The following MPP2 variants were observed in gnomAD, a reference collection of about 807,000 sequenced individuals.
MPP2 encodes MAGUK p55 subfamily member 2.
MPP2 carries 42 observed loss-of-function variants against 58.5 expected under a neutral mutation model. The ratio of observed to expected loss-of-function variants is 0.72; its 90% CI spans 0.56 to 0.93. MPP2 has a LOEUF of 0.93. Ranked by LOEUF, MPP2 falls within the 40% of genes least tolerant of loss-of-function variation. The pLI is 0.00. For synonymous variants in MPP2, 300 were observed against 307.8 expected, an observed-to-expected ratio of 0.97 and a Z score of 0.26; for missense variants, 632 against 760.4, an observed-to-expected ratio of 0.83 and a Z score of 1.99.
At chr17:43,907,318 A>AGGGGCG (rs1289725108) in intron 1 of MPP2, 156 bp downstream of exon 1, 3 of 501,922 alleles carry the variant, frequency 6.0e-6, no homozygotes, top group Non-Finnish European at 7.7e-6. Flanking sequence ...AAGAGGGCCC[A>AGGGGCG]GGGGCGGGGG....
At chr17:43,909,422 C>T (rs2048383356), upstream of MPP2, 2 of 531,776 alleles carry the variant, frequency 3.8e-6, no homozygotes, top group Non-Finnish European at 5.9e-6. Flanking sequence ...ATAAAGGCTA[C>T]CCTCCACTGT....
intron 9 of MPP2, 60 bp downstream of exon 9, chr17:43,881,030 G>C: frequency 1.3e-6 from 2 of 1,587,648 alleles, no homozygotes. Flanking sequence ...TGATGGGTGG[G>C]GACAGGGAAA....
chr17:43,899,528 G>T (rs2047998282), intron 2 of MPP2, among the ~76,000 whole-genome samples: 1 of 152,140 alleles, frequency 6.6e-6, no homozygotes, highest in Non-Finnish European at 1.5e-5. Flanking sequence ...TGGATGGATT[G>T]GGCTAGATGA....
chr17:43,893,655 C>T (rs1317688593), intron 3 of MPP2, among the ~76,000 whole-genome samples: 2 of 152,206 alleles, frequency 1.3e-5, no homozygotes, highest in Admixed American at 6.5e-5. Flanking sequence ...GGCACCAACC[C>T]TACCGTGAAC....
Position 43,888,383 on chromosome 17 carries a change from C to T in MPP2, c.151-5028G>A, listed in dbSNP as rs181645476. 2.9e-3 allele frequency among the ~76,000 whole-genome samples: 436 copies of T among 152,352 alleles called. 6 individuals carry two copies. Among genetic ancestry groups the T allele is most frequent in the African/African-American group, 9.7e-3 (404 of 41,576 alleles). ...CCCCAGAGGGCTGGTCTTCCACAGA[C>T]CCCTATGTGACTTTCAGTCATTTAG... On this transcript the variant is annotated intron_variant, in intron 3 of 12. Transcript: ENST00000269095.
At chr17:43,898,094 C>T (rs1488573026) in intron 3 of MPP2, 168 bp downstream of exon 3, 3 of 623,776 alleles carry the variant, frequency 4.8e-6, no homozygotes, top group Non-Finnish European at 8.6e-6. Context: ...CCTCTACCTG[C>T]AGCCACTCAG....
chr17:43,882,022 A>G (rs568562102), intron 6 of MPP2, among the ~76,000 whole-genome samples: 1 of 152,342 alleles, frequency 6.6e-6, no homozygotes, highest in Admixed American at 6.5e-5. Flanking sequence ...AAGAACGCTG[A>G]CCATAATGCA....
chr17:43,900,437 C>A, intron 2 of MPP2: 1 of 1,544,868 alleles, frequency 6.5e-7, no homozygotes, highest in South Asian at 1.2e-5. Context: ...AAGGGGCCAG[C>A]TGCCCCGCCC....
intron 1 of MPP2, chr17:43,906,230 T>G (rs2048282103): frequency 1.3e-6 from 1 of 787,360 alleles, no homozygotes; most frequent in Admixed American, 6.3e-5. Context: ...CCAGCCTGCC[T>G]GGGTTTTCTC....
chr17:43,893,761 C>G (rs1336666464), intron 3 of MPP2, among the ~76,000 whole-genome samples: 2 of 152,194 alleles, frequency 1.3e-5, no homozygotes, highest in East Asian at 3.8e-4. Flanking sequence ...AAACCACCCC[C>G]CTCACCCTGA....
intron 3 of MPP2, among the ~76,000 whole-genome samples, chr17:43,897,109 A>G (rs947379836): frequency 6.6e-6 from 1 of 152,192 alleles, no homozygotes; most frequent in Non-Finnish European, 1.5e-5. Flanking sequence ...TGGCCTCTCC[A>G]ACTTCAGATA....
intron 3 of MPP2, among the ~76,000 whole-genome samples, chr17:43,887,914 T>G (rs2143631639): frequency 6.6e-6 from 1 of 152,204 alleles, no homozygotes; most frequent in East Asian, 1.9e-4. Flanking sequence ...AGATACAATC[T>G]ATTATGGCTG....
intron 5 of MPP2, 45 bp downstream of exon 5, chr17:43,882,858 C>T: frequency 6.2e-7 from 1 of 1,610,840 alleles, no homozygotes; most frequent in Non-Finnish European, 8.5e-7. Context: ...ATTCTCAATC[C>T]CCCCACCCTC....
At chr17:43,909,672 G>T, upstream of MPP2, 1 of 1,295,540 alleles carries the variant, frequency 7.7e-7, no homozygotes, top group Non-Finnish European at 1.0e-6. Flanking sequence ...CACTGCATTC[G>T]TCGGTCAACA....
At chr17:43,907,963 T>G, upstream of MPP2, 1 of 985,302 alleles carries the variant, frequency 1.0e-6, no homozygotes, top group Non-Finnish European at 1.2e-6. Flanking sequence ...TCAGAGAGAC[T>G]CCCAGGAAGC....
chr17:43,877,749 G>T lies in MPP2; in HGVS notation c.*58C>A. 1 of 1,458,356 alleles carries T rather than the reference G, an allele frequency of 6.9e-7. No homozygotes were observed. The highest frequency in any genetic ancestry group is 9.5e-7 in the Non-Finnish European group (1 of 1,049,170). The allele number at this position is 1,458,356 out of a possible 1,614,324, so 90.3% of individuals were successfully genotyped here. A position where few individuals can be genotyped will look rare whatever the true frequency, so the allele number is the denominator to read the frequency against. Reference sequence around the variant, plus strand: ...GGCAGGGGGTCACAGGTCAGGAGGGGGATGGATTCAGGTTCTGGGTTTCAA... The same window carrying T: ...GGCAGGGGGTCACAGGTCAGGAGGGTGATGGATTCAGGTTCTGGGTTTCAA... On this transcript the variant is annotated 3_prime_UTR_variant, in exon 13 of 13. Transcript: ENST00000269095.
upstream of MPP2, chr17:43,907,859 A>C: frequency 2.0e-6 from 2 of 985,378 alleles, no homozygotes; most frequent in Non-Finnish European, 2.4e-6. Context: ...TACTCCGCCC[A>C]CCCATCTTGG....
chr17:43,887,885 T>C (rs529146996), intron 3 of MPP2, among the ~76,000 whole-genome samples: 8 of 152,208 alleles, frequency 5.3e-5, no homozygotes, highest in African/African-American at 1.4e-4. Context: ...GGAGTTTATA[T>C]ACACAATGAA....
At chr17:43,897,165 T>C (rs889180437) in intron 3 of MPP2, among the ~76,000 whole-genome samples, 1 of 152,194 alleles carries the variant, frequency 6.6e-6, no homozygotes, top group Non-Finnish European at 1.5e-5. Context: ...CACCCACATT[T>C]GGCCATCATA....
Sources: allele counts gnomAD v4.1 joint callset (sites outside exome capture counted in the v4.1 genomes callset), GRCh38; gene constraint gnomAD v4.1.1; transcripts MANE v1.5; gene names NCBI Gene and HGNC (gene_info 2026-07-23, HGNC 2026-07-21).